FGF12: variants seen among roughly 807,000 people sequenced by gnomAD.
The protein encoded by FGF12 is fibroblast growth factor 12B.
In FGF12, 14 loss-of-function variants were observed where a neutral mutation model predicts 23.6. The observed-to-expected ratio is 0.59, with a 90% CI of 0.39 to 0.93. The LOEUF is 0.93. Among genes scored for constraint, FGF12 ranks in the 40% least tolerant of loss-of-function variants. The probability of loss-of-function intolerance (pLI) is 0.00; values close to 1 mark genes in which losing one functional copy is unlikely to be tolerated. For missense variants in FGF12, 175 were observed against 217.8 expected, an observed-to-expected ratio of 0.80 and a Z score of 1.24; for synonymous variants, 62 against 77.3, an observed-to-expected ratio of 0.80 and a Z score of 1.04.
chr3:192,602,691 G>A (rs1422509992), intron 2 of FGF12, among the ~76,000 whole-genome samples: 1 of 149,780 alleles, frequency 6.7e-6, no homozygotes, highest in Non-Finnish European at 1.5e-5. Context: ...TGAGTATCTG[G>A]CACTTCTAAT....
chr3:192,475,564 G>T (rs1352002796), intron 2 of FGF12, among the ~76,000 whole-genome samples: 3 of 152,162 alleles, frequency 2.0e-5, no homozygotes, highest in African/African-American at 7.2e-5. Context: ...CAAATTCAAA[G>T]ATGTTTCTAC....
intron 2 of FGF12, among the ~76,000 whole-genome samples, chr3:192,643,355 T>C (rs1264774894): frequency 6.6e-6 from 1 of 152,210 alleles, no homozygotes; most frequent in Non-Finnish European, 1.5e-5. Context: ...ACTGTCTTAA[T>C]CAGTGAGGAA....
chr3:192,379,766 C>T (rs1719738665), intron 2 of FGF12, among the ~76,000 whole-genome samples: 1 of 152,128 alleles, frequency 6.6e-6, no homozygotes, highest in Admixed American at 6.5e-5. Context: ...AGGAGAAGTC[C>T]ACAGAAAGAA....
intron 2 of FGF12, among the ~76,000 whole-genome samples, chr3:192,590,249 T>C (rs1713563444): frequency 6.6e-6 from 1 of 151,908 alleles, no homozygotes; most frequent in Non-Finnish European, 1.5e-5. Flanking sequence ...GGGAAATATA[T>C]AAAATCAGAA....
intron 2 of FGF12, among the ~76,000 whole-genome samples, chr3:192,573,014 C>T (rs887459527): frequency 5.3e-5 from 8 of 152,012 alleles, no homozygotes; most frequent in Admixed American, 2.0e-4. Context: ...AAATGGCATT[C>T]GGAAAAGGTA....
intron 4 of FGF12, among the ~76,000 whole-genome samples, chr3:192,205,608 C>T (rs1717607042): frequency 6.6e-6 from 1 of 152,144 alleles, no homozygotes; most frequent in South Asian, 2.1e-4. Context: ...AAACAGTAGT[C>T]CTGTTGGTGT....
intron 4 of FGF12, among the ~76,000 whole-genome samples, chr3:192,300,013 C>A (rs531320361): frequency 6.6e-6 from 1 of 152,320 alleles, no homozygotes; most frequent in South Asian, 2.1e-4. Flanking sequence ...TGATGCTCCA[C>A]CTGTCCCACT....
At chr3:192,711,333 G>A (rs921024806) in intron 2 of FGF12, among the ~76,000 whole-genome samples, 31 of 151,582 alleles carry the variant, frequency 2.0e-4, no homozygotes, top group African/African-American at 7.0e-4. Flanking sequence ...GGAGGTGGGG[G>A]GCATCTCCGC....
intron 2 of FGF12, among the ~76,000 whole-genome samples, chr3:192,715,887 A>T (rs1296003061): frequency 6.6e-6 from 1 of 152,230 alleles, no homozygotes; most frequent in East Asian, 1.9e-4. Context: ...TCCTTGTATT[A>T]ATTAATTAAC....
At chr3:192,286,821 C>G (rs1714473548) in intron 4 of FGF12, among the ~76,000 whole-genome samples, 1 of 151,884 alleles carries the variant, frequency 6.6e-6, no homozygotes, top group Admixed American at 6.6e-5. Context: ...GGGTTTTGAC[C>G]ACTTATGGGA....
In FGF12 at chr3:192,335,131, A is replaced by G. The variant is rs533173549; in HGVS notation, c.228+230T>C. 2.8e-4 allele frequency among the ~76,000 whole-genome samples: 43 copies of G among 152,326 alleles called. 1 individual carries two copies. Among genetic ancestry groups the G allele is most frequent in the Admixed American group, 7.2e-4 (11 of 15,288 alleles). ...AGAGTATCCTGCAGAAATGGAAGCTAGACACAAAGAATTTATATCGCATGG... is the reference window on the plus strand; with the variant it reads ...AGAGTATCCTGCAGAAATGGAAGCTGGACACAAAGAATTTATATCGCATGG... On this transcript the variant is annotated intron_variant, in intron 4 of 5. Transcript: ENST00000445105.
chr3:192,509,739 G>A (rs1042634969), intron 2 of FGF12, among the ~76,000 whole-genome samples: 24 of 152,096 alleles, frequency 1.6e-4, no homozygotes, highest in Admixed American at 1.4e-3. Context: ...TCATAATTTG[G>A]TATGCTAAGC....
At chr3:192,286,131 T>C (rs1714433535) in intron 4 of FGF12, among the ~76,000 whole-genome samples, 1 of 152,036 alleles carries the variant, frequency 6.6e-6, no homozygotes, top group Non-Finnish European at 1.5e-5. Flanking sequence ...ATACTTTTGC[T>C]ACAATATGAA....
At chr3:192,226,860 CA>C (rs1718762230) in intron 4 of FGF12, among the ~76,000 whole-genome samples, 1 of 151,918 alleles carries the variant, frequency 6.6e-6, no homozygotes, top group Admixed American at 6.6e-5. Context: ...CTCCACTATA[CA>C]TATATATATA....
chr3:192,548,259 A>G (rs575367948), intron 2 of FGF12, among the ~76,000 whole-genome samples: 1 of 152,280 alleles, frequency 6.6e-6, no homozygotes, highest in South Asian at 2.1e-4. Flanking sequence ...ACATTAAGCA[A>G]CTTAAAGTCC....
chr3:192,400,177 G>A (rs185817683), intron 2 of FGF12, among the ~76,000 whole-genome samples: 12 of 152,144 alleles, frequency 7.9e-5, no homozygotes, highest in Admixed American at 3.3e-4. Flanking sequence ...TACTACAAAC[G>A]AATCAAATAA....
chr3:192,270,846 G>T (rs955953196), intron 4 of FGF12, among the ~76,000 whole-genome samples: 5 of 150,064 alleles, frequency 3.3e-5, no homozygotes, highest in African/African-American at 1.2e-4. Flanking sequence ...GAAGATAAAA[G>T]AATCCACTAA....
At chr3:192,448,468 G>A (rs1722426961) in intron 2 of FGF12, among the ~76,000 whole-genome samples, 1 of 152,164 alleles carries the variant, frequency 6.6e-6, no homozygotes, top group Non-Finnish European at 1.5e-5. Flanking sequence ...CCTGAAAATT[G>A]GGAGGGAGGG....
intron 4 of FGF12, among the ~76,000 whole-genome samples, chr3:192,297,921 G>A (rs1715133325): frequency 6.6e-6 from 1 of 152,126 alleles, no homozygotes. Flanking sequence ...CAGTTTTTAA[G>A]AGCCACAGGT....
Sources: gnomAD v4.1 joint callset for allele counts (sites outside exome capture counted in the v4.1 genomes callset) on GRCh38, gnomAD v4.1.1 for gene constraint, MANE v1.5 for transcripts, NCBI Gene and HGNC (gene_info 2026-07-23, HGNC 2026-07-21) for gene names.